KIFAP3: variants seen among roughly 807,000 people sequenced by gnomAD.
KIFAP3 encodes kinesin associated protein 3, also known as kinesin-associated protein 3.
In KIFAP3, 68 loss-of-function variants were observed where a neutral mutation model predicts 106.5. That is an observed-to-expected ratio of 0.64 (90% CI 0.53 to 0.78). The LOEUF is 0.78. KIFAP3 is among the 30% of genes least tolerant of loss of function. KIFAP3 has a pLI of 0.00. For synonymous variants in KIFAP3, 320 were observed against 311.5 expected, an observed-to-expected ratio of 1.03 and a Z score of -0.29; for missense variants, 780 against 941.8, an observed-to-expected ratio of 0.83 and a Z score of 2.25.
At position 170,064,713 on chromosome 1, in the gene KIFAP3, T is replaced by C. The variant is rs115821797; in HGVS notation, c.33-9277A>G. The stretch of plus-strand genomic sequence containing the variant: ...CCTTTTATTTATGGCTTTAGTTTTT[T>C]CCTTAAATCATGAATGTGTAGTGAA... On this transcript the variant is annotated intron_variant, in intron 1 of 19. Transcript: ENST00000361580. 7.2e-3 allele frequency among the ~76,000 whole-genome samples: 1,091 copies of C among 152,360 alleles called. 18 individuals are homozygous for C. Among genetic ancestry groups the C allele is most frequent in the African/African-American group, 0.024 (1,000 of 41,584 alleles).
intron 19 of KIFAP3, among the ~76,000 whole-genome samples, chr1:169,933,419 CTG>C (rs752999694): frequency 9.9e-5 from 15 of 151,964 alleles, no homozygotes; most frequent in Non-Finnish European, 1.9e-4. Context: ...CTATATTTAA[CTG>C]TTACATTATG....
intron 3 of KIFAP3, among the ~76,000 whole-genome samples, chr1:170,041,485 T>C (rs1442351452): frequency 6.6e-6 from 1 of 152,054 alleles, no homozygotes; most frequent in Non-Finnish European, 1.5e-5. Flanking sequence ...CTACAAAAAA[T>C]GTAAAAAATT....
intron 10 of KIFAP3, among the ~76,000 whole-genome samples, chr1:170,003,541 C>T (rs1307375975): frequency 6.6e-6 from 1 of 152,136 alleles, no homozygotes; most frequent in African/African-American, 2.4e-5. Flanking sequence ...CTGGGAGAAC[C>T]ACTAATCTCT....
At chr1:170,040,180 C>T (rs1669899167) in intron 3 of KIFAP3, among the ~76,000 whole-genome samples, 1 of 151,232 alleles carries the variant, frequency 6.6e-6, no homozygotes. Context: ...TTTAATTATG[C>T]AAAAAAAATC....
chr1:169,928,723 T>TAAAAAAAAA (rs1258694998), intron 19 of KIFAP3, among the ~76,000 whole-genome samples: 32 of 65,290 alleles, frequency 4.9e-4, no homozygotes, highest in South Asian at 1.5e-3. Flanking sequence ...AAAAAAAAAT[T>TAAAAAAAAA]AAAGTTATAC....
intron 18 of KIFAP3, among the ~76,000 whole-genome samples, chr1:169,959,427 C>T (rs963401425): frequency 6.6e-6 from 1 of 152,038 alleles, no homozygotes; most frequent in Non-Finnish European, 1.5e-5. Flanking sequence ...TCTATCATAT[C>T]ATCAGGCTAT....
chr1:169,963,085 A>G (rs548412866), intron 17 of KIFAP3, among the ~76,000 whole-genome samples: 9 of 152,262 alleles, frequency 5.9e-5, no homozygotes, highest in African/African-American at 2.2e-4. Context: ...GGTAGTTTTC[A>G]GTCCTGACTC....
intron 11 of KIFAP3, among the ~76,000 whole-genome samples, chr1:169,985,464 T>C (rs1053992824): frequency 3.3e-5 from 5 of 151,894 alleles, no homozygotes; most frequent in African/African-American, 9.7e-5. Flanking sequence ...AGATGACTTC[T>C]GGATTTATGC....
At chr1:169,950,900 T>A (rs1290172769) in intron 19 of KIFAP3, among the ~76,000 whole-genome samples, 1 of 152,004 alleles carries the variant, frequency 6.6e-6, no homozygotes, top group Non-Finnish European at 1.5e-5. Flanking sequence ...TGAATAATTA[T>A]GTAACAATTT....
intron 1 of KIFAP3, among the ~76,000 whole-genome samples, chr1:170,073,435 T>C (rs1028355920): frequency 1.3e-5 from 2 of 152,248 alleles, no homozygotes; most frequent in African/African-American, 4.8e-5. Context: ...TCTGTGATGA[T>C]GAGAGCTCAG....
rs1232555190 is a variant in KIFAP3 at position 169,981,420 on chromosome 1, T to TA, written c.1798+551dup. Among the ~76,000 whole-genome samples the TA allele has an allele frequency of 2.0e-5, 3 of 152,296 alleles. No homozygotes were observed. The East Asian group carries it at 5.8e-4, about 29-fold the overall frequency. ...ATCTCAGTTATCAGGTCCACTAGCA[T>TA]AGTATTGCAATGCTTGTATTCAAGT... On this transcript the variant is annotated intron_variant, in intron 15 of 19. Coordinates refer to ENST00000361580, the MANE Select transcript of KIFAP3 (RefSeq NM_014970.4).
chr1:169,982,258 T>G (rs1264530085), intron 14 of KIFAP3, among the ~76,000 whole-genome samples, 161 bp from the exon 15 acceptor site: 2 of 152,144 alleles, frequency 1.3e-5, no homozygotes, highest in Non-Finnish European at 2.9e-5. Context: ...CAAATTTCCA[T>G]GTTTGCTGAT....
chr1:170,061,501 A>G (rs1046088114), intron 1 of KIFAP3, among the ~76,000 whole-genome samples: 1 of 152,196 alleles, frequency 6.6e-6, no homozygotes, highest in African/African-American at 2.4e-5. Context: ...ATCATTAAAA[A>G]GTCAGGAAAC....
chr1:169,937,885 T>G (rs1398641554), intron 19 of KIFAP3, among the ~76,000 whole-genome samples: 1 of 151,888 alleles, frequency 6.6e-6, no homozygotes, highest in Non-Finnish European at 1.5e-5. Flanking sequence ...TAACTGAAAT[T>G]ATGTGACTTC....
rs539243901 is a variant in KIFAP3, at chr1:170,027,799, T to C, written c.842-3203A>G. Among the ~76,000 whole-genome samples the C allele has an allele frequency of 1.6e-4, 25 of 152,034 alleles. No individual in the cohort carries two copies. The South Asian group carries it at 5.2e-3, about 32-fold the overall frequency. ...GAAAATTATAAACCCAGAGTTTCAA[T>C]AAGCTCACTAAACTCTAAAAACAAG... On this transcript the variant is annotated intron_variant, in intron 8 of 19. Coordinates refer to ENST00000361580, the MANE Select transcript of KIFAP3 (RefSeq NM_014970.4).
chr1:170,041,704 A>T, intron 3 of KIFAP3: 1 of 1,535,266 alleles, frequency 6.5e-7, no homozygotes, highest in East Asian at 2.4e-5. Context: ...TGGAGTACAG[A>T]AACAGTTTCT....
chr1:170,061,246 T>C (rs1159784434), intron 1 of KIFAP3, among the ~76,000 whole-genome samples: 1 of 152,008 alleles, frequency 6.6e-6, no homozygotes, highest in African/African-American at 2.4e-5. Flanking sequence ...TGGGAGAAAA[T>C]TTTTGCAATC....
intron 3 of KIFAP3, chr1:170,041,561 T>C (rs1453170256): frequency 1.4e-6 from 1 of 691,666 alleles, no homozygotes; most frequent in Admixed American, 2.5e-5. Context: ...CATCTGCCTG[T>C]GGCTCGGTGA....
At chr1:170,016,722 C>T in intron 9 of KIFAP3, 98 bp from the exon 10 acceptor site, 1 of 681,572 alleles carries the variant, frequency 1.5e-6, no homozygotes, top group Non-Finnish European at 2.3e-6. Flanking sequence ...TAATGTATAT[C>T]TGTTTTATAA....
Sources: gnomAD v4.1 joint callset for allele counts (sites outside exome capture counted in the v4.1 genomes callset) on GRCh38, gnomAD v4.1.1 for gene constraint, MANE v1.5 for transcripts, NCBI Gene and HGNC (gene_info 2026-07-23, HGNC 2026-07-21) for gene names.